The following PTPRD variants were observed in gnomAD, a reference collection of about 807,000 sequenced individuals.
PTPRD encodes the protein protein tyrosine phosphatase receptor type D, also known as receptor-type tyrosine-protein phosphatase delta.
In PTPRD, 34 loss-of-function variants were observed where a neutral mutation model predicts 214.5. The observed-to-expected ratio is 0.16, with a 90% CI of 0.12 to 0.21. The LOEUF is 0.21. PTPRD is among the 10% of genes least tolerant of loss of function. The probability of loss-of-function intolerance (pLI) is 1.00; values close to 1 mark genes in which losing one functional copy is unlikely to be tolerated. For synonymous variants in PTPRD, 1,128 were observed against 845.7 expected (o/e 1.33, Z -5.79); for missense variants, 2,545 against 2,398.7 (o/e 1.06, Z -1.27).
chr9:8,676,432 T>C (rs1165698023), intron 12 of PTPRD, among the ~76,000 whole-genome samples: 1 of 148,694 alleles, frequency 6.7e-6, no homozygotes, highest in Non-Finnish European at 1.5e-5. Flanking sequence ...GTCCAGGCTG[T>C]GGTGCAGTGG....
chr9:10,410,667 T>C (rs1301882584), intron 2 of PTPRD, among the ~76,000 whole-genome samples: 1 of 151,806 alleles, frequency 6.6e-6, no homozygotes, highest in Non-Finnish European at 1.5e-5. Context: ...ACAGTCATTG[T>C]TAATCTAAAT....
chr9:9,426,030 C>G (rs191063974), intron 8 of PTPRD, among the ~76,000 whole-genome samples: 1 of 152,000 alleles, frequency 6.6e-6, no homozygotes, highest in South Asian at 2.1e-4. Context: ...GTACCAGGTT[C>G]GTCTCAATGG....
chr9:9,747,489 T>C (rs555168579), intron 6 of PTPRD, among the ~76,000 whole-genome samples: 15 of 152,002 alleles, frequency 9.9e-5, no homozygotes, highest in African/African-American at 3.6e-4. Context: ...GAATATACTA[T>C]TTGGGGAAAA....
intron 8 of PTPRD, among the ~76,000 whole-genome samples, chr9:9,453,515 G>C (rs947823456): frequency 7.3e-5 from 11 of 151,438 alleles, no homozygotes; most frequent in African/African-American, 2.4e-4. Context: ...GAAGATTCAA[G>C]GTTGCCTTAT....
At chr9:9,435,436 A>G (rs1040018760) in intron 8 of PTPRD, among the ~76,000 whole-genome samples, 9 of 148,034 alleles carry the variant, frequency 6.1e-5, no homozygotes, top group Non-Finnish European at 4.4e-5. Context: ...CCTCGAACCC[A>G]GGAGTTGGAA....
At chr9:8,773,506 C>A (rs74828080) in intron 11 of PTPRD, among the ~76,000 whole-genome samples, 1 of 152,198 alleles carries the variant, frequency 6.6e-6, no homozygotes, top group Non-Finnish European at 1.5e-5. Context: ...TTGAGGACCA[C>A]TGTTGCATGT....
chr9:9,040,595 C>G (rs530678807), intron 10 of PTPRD, among the ~76,000 whole-genome samples: 2 of 151,650 alleles, frequency 1.3e-5, no homozygotes, highest in African/African-American at 4.9e-5. Context: ...TTTTTCATAA[C>G]TGGTTTTGTA....
chr9:9,861,558 G>A (rs898885042), intron 5 of PTPRD, among the ~76,000 whole-genome samples: 7 of 152,100 alleles, frequency 4.6e-5, no homozygotes, highest in African/African-American at 1.7e-4. Context: ...TCAAAGTGCT[G>A]GATTACTGGC....
intron 37 of PTPRD, among the ~76,000 whole-genome samples, chr9:8,378,440 A>C (rs1326740870): frequency 6.6e-6 from 1 of 152,058 alleles, no homozygotes; most frequent in Non-Finnish European, 1.5e-5. Context: ...AAAAATTAAC[A>C]AAAATTATGC....
At chr9:9,371,706 G>C (rs1352732526) in intron 9 of PTPRD, among the ~76,000 whole-genome samples, 1 of 152,070 alleles carries the variant, frequency 6.6e-6, no homozygotes, top group Non-Finnish European at 1.5e-5. Context: ...TGCGATGTTA[G>C]GGTGTCAATT....
intron 10 of PTPRD, among the ~76,000 whole-genome samples, chr9:9,146,614 T>C (rs1027369070): frequency 1.3e-5 from 2 of 152,200 alleles, no homozygotes; most frequent in African/African-American, 4.8e-5. Flanking sequence ...TGGAGATTAT[T>C]GCATTCAATA....
chr9:8,423,069 C>T (rs1296013152), intron 35 of PTPRD, among the ~76,000 whole-genome samples: 1 of 151,862 alleles, frequency 6.6e-6, no homozygotes, highest in Non-Finnish European at 1.5e-5. Flanking sequence ...ATTGAGAAAA[C>T]AAAAAGGGAA....
At chr9:10,214,606 G>A (rs1482951693) in intron 3 of PTPRD, among the ~76,000 whole-genome samples, 1 of 151,850 alleles carries the variant, frequency 6.6e-6, no homozygotes, top group Non-Finnish European at 1.5e-5. Flanking sequence ...AATTTTGCTT[G>A]CATATAGGGA....
chr9:9,878,864 AC>A (rs1263972695), intron 5 of PTPRD, among the ~76,000 whole-genome samples: 4 of 152,012 alleles, frequency 2.6e-5, no homozygotes, highest in African/African-American at 9.7e-5. Flanking sequence ...TTTTTCCTTT[AC>A]CTTCCTCCTT....
intron 3 of PTPRD, among the ~76,000 whole-genome samples, chr9:10,056,109 T>A (rs969206162): frequency 6.6e-6 from 1 of 151,714 alleles, no homozygotes; most frequent in African/African-American, 2.4e-5. Context: ...GACCATGAGG[T>A]CAGGAGTTTG....
intron 2 of PTPRD, among the ~76,000 whole-genome samples, chr9:10,422,281 C>T (rs562671720): frequency 6.6e-6 from 1 of 151,924 alleles, no homozygotes; most frequent in African/African-American, 2.4e-5. Flanking sequence ...AACTGGATCC[C>T]TTCTTGTAAC....
At chr9:8,576,650 A>AAAAG (rs2092403976) in intron 14 of PTPRD, among the ~76,000 whole-genome samples, 1 of 151,274 alleles carries the variant, frequency 6.6e-6, no homozygotes, top group Non-Finnish European at 1.5e-5. Context: ...AAAAAAAAAA[A>AAAAG]TCCATATTTG....
intron 2 of PTPRD, among the ~76,000 whole-genome samples, chr9:10,484,516 G>T (rs1485644563): frequency 1.3e-5 from 2 of 152,010 alleles, no homozygotes; most frequent in Non-Finnish European, 1.5e-5. Context: ...GTGTACGAGG[G>T]TTCTCTTTTC....
At chr9:9,201,938 A>G (rs2099942069) in intron 9 of PTPRD, among the ~76,000 whole-genome samples, 1 of 152,236 alleles carries the variant, frequency 6.6e-6, no homozygotes, top group Non-Finnish European at 1.5e-5. Flanking sequence ...ACATTTAGGA[A>G]ATGAAACACT....
Sources: allele counts gnomAD v4.1 joint callset (sites outside exome capture counted in the v4.1 genomes callset), GRCh38; gene constraint gnomAD v4.1.1; transcripts MANE v1.5; gene names NCBI Gene and HGNC (gene_info 2026-07-23, HGNC 2026-07-21).